The following TRPM3 variants were observed in gnomAD, a reference collection of about 807,000 sequenced individuals.
The protein encoded by TRPM3 is long transient receptor potential channel 3.
Under a neutral mutation model 181.2 loss-of-function variants are expected in TRPM3, and 77 were observed. The ratio of observed to expected loss-of-function variants is 0.42; its 90% CI spans 0.35 to 0.51. The LOEUF (loss-of-function observed/expected upper bound fraction) is 0.51, where lower values mean the gene tolerates loss of function less well. Among genes scored for constraint, TRPM3 ranks in the 20% least tolerant of loss-of-function variants. The probability of loss-of-function intolerance (pLI) is 0.01; values close to 1 mark genes in which losing one functional copy is unlikely to be tolerated. For synonymous variants in TRPM3, 745 were observed against 796.4 expected, an observed-to-expected ratio of 0.94 and a Z score of 1.09; for missense variants, 1,759 against 2,196.7, an observed-to-expected ratio of 0.80 and a Z score of 3.98.
At chr9:71,363,200 A>G (rs767740432) in intron 1 of TRPM3, among the ~76,000 whole-genome samples, 1 of 152,238 alleles carries the variant, frequency 6.6e-6, no homozygotes, top group Non-Finnish European at 1.5e-5. Context: ...AGAAATGCCC[A>G]GTGAAATGAG....
intron 1 of TRPM3, among the ~76,000 whole-genome samples, chr9:71,100,776 T>G (rs541739209): frequency 2.0e-5 from 3 of 152,116 alleles, no homozygotes; most frequent in Non-Finnish European, 2.9e-5. Context: ...GTACTTCCCA[T>G]TAGACTTCTC....
chr9:70,908,316 A>G (rs1331013166), intron 1 of TRPM3, among the ~76,000 whole-genome samples: 1 of 152,210 alleles, frequency 6.6e-6, no homozygotes, highest in East Asian at 1.9e-4. Flanking sequence ...ATTCAATTAA[A>G]TAATATTAAA....
chr9:70,558,005 G>A (rs775767835), intron 22 of TRPM3, among the ~76,000 whole-genome samples: 4 of 152,186 alleles, frequency 2.6e-5, no homozygotes, highest in Non-Finnish European at 5.9e-5. Flanking sequence ...CCAAATCTAG[G>A]AGAAGGTTAA....
At chr9:70,926,102 A>G (rs2096718999) in intron 1 of TRPM3, among the ~76,000 whole-genome samples, 1 of 152,118 alleles carries the variant, frequency 6.6e-6, no homozygotes, top group Non-Finnish European at 1.5e-5. Context: ...CATGTTTCAA[A>G]AAGGCCATAA....
chr9:70,999,911 T>C (rs2097581514), intron 1 of TRPM3, among the ~76,000 whole-genome samples: 1 of 152,174 alleles, frequency 6.6e-6, no homozygotes, highest in Non-Finnish European at 1.5e-5. Flanking sequence ...GTGTGCTCTT[T>C]TTCTCTGTCT....
chr9:71,202,050 C>G (rs896359404), intron 1 of TRPM3, among the ~76,000 whole-genome samples: 5 of 152,180 alleles, frequency 3.3e-5, no homozygotes, highest in Admixed American at 6.5e-5. Flanking sequence ...TTCTAACAGA[C>G]AGGACCCTCA....
intron 6 of TRPM3, chr9:70,826,181 C>A (rs565401330): frequency 6.6e-6 from 1 of 152,348 alleles, no homozygotes; most frequent in East Asian, 1.9e-4. Flanking sequence ...AGTCATGCTG[C>A]AGCTTATAAA....
intron 19 of TRPM3, among the ~76,000 whole-genome samples, chr9:70,604,853 G>C (rs990186983): frequency 6.6e-6 from 1 of 151,962 alleles, no homozygotes; most frequent in African/African-American, 2.4e-5. Context: ...TCACTTTGTT[G>C]GCCAGGCTGA....
At chr9:71,372,762 C>T (rs1232510897) in intron 1 of TRPM3, among the ~76,000 whole-genome samples, 1 of 152,140 alleles carries the variant, frequency 6.6e-6, no homozygotes, top group African/African-American at 2.4e-5. Flanking sequence ...AATTCAAAGA[C>T]ACCAAATGGC....
intron 1 of TRPM3, among the ~76,000 whole-genome samples, chr9:70,867,109 CT>C (rs1435619667): frequency 2.6e-5 from 4 of 152,046 alleles, no homozygotes; most frequent in African/African-American, 4.8e-5. Context: ...TTCTTTCCCC[CT>C]ATCATTCCCC....
intron 1 of TRPM3, among the ~76,000 whole-genome samples, chr9:71,012,432 A>T (rs2097753888): frequency 6.6e-6 from 1 of 150,958 alleles, no homozygotes; most frequent in Non-Finnish European, 1.5e-5. Flanking sequence ...CATCTGGCAG[A>T]GTTAACCTTC....
chr9:70,977,756 T>G (rs1484778973), intron 1 of TRPM3, among the ~76,000 whole-genome samples: 1 of 152,088 alleles, frequency 6.6e-6, no homozygotes, highest in Non-Finnish European at 1.5e-5. Context: ...GCACCTTACT[T>G]CTTATTGCTG....
intron 1 of TRPM3, among the ~76,000 whole-genome samples, chr9:71,229,071 T>C (rs2080880026): frequency 6.6e-6 from 1 of 152,090 alleles, no homozygotes; most frequent in Admixed American, 6.6e-5. Flanking sequence ...CAAATTATAA[T>C]ACAGAGCTAT....
chr9:70,544,054 C>T (rs1043457664), intron 25 of TRPM3, among the ~76,000 whole-genome samples: 5 of 152,128 alleles, frequency 3.3e-5, no homozygotes, highest in African/African-American at 1.2e-4. Context: ...TGCCCACAAG[C>T]CACCGTTTTT....
At chr9:71,125,833 G>C (rs968466947), upstream of TRPM3, among the ~76,000 whole-genome samples, 3 of 152,094 alleles carry the variant, frequency 2.0e-5, no homozygotes, top group South Asian at 6.2e-4. Context: ...TGACGAACAT[G>C]TCAAAAGCAA....
intron 1 of TRPM3, among the ~76,000 whole-genome samples, chr9:71,352,658 TC>T (rs2091706612): frequency 6.6e-6 from 1 of 152,134 alleles, no homozygotes; most frequent in Non-Finnish European, 1.5e-5. Context: ...TATAAATACT[TC>T]CTAAACTATG....
intron 5 of TRPM3, among the ~76,000 whole-genome samples, chr9:70,832,774 C>A (rs112786355): frequency 1.3e-5 from 2 of 152,242 alleles, no homozygotes; most frequent in African/African-American, 4.8e-5. Flanking sequence ...TATTTTCAAG[C>A]ATTTTTGGTC....
intron 1 of TRPM3, among the ~76,000 whole-genome samples, chr9:71,026,360 C>T (rs1019166528): frequency 3.3e-5 from 5 of 152,176 alleles, no homozygotes; most frequent in Admixed American, 6.5e-5. Context: ...TGGGGGCCCA[C>T]ATCATAGCTG....
chr9:70,757,406 C>G (rs989790582), intron 8 of TRPM3, among the ~76,000 whole-genome samples: 4 of 152,162 alleles, frequency 2.6e-5, no homozygotes, highest in African/African-American at 9.7e-5. Flanking sequence ...ACCAGAGGTA[C>G]AAAGAGGAGC....
Sources: gnomAD v4.1 joint callset for allele counts (sites outside exome capture counted in the v4.1 genomes callset) on GRCh38, gnomAD v4.1.1 for gene constraint, MANE v1.5 for transcripts, NCBI Gene and HGNC (gene_info 2026-07-23, HGNC 2026-07-21) for gene names.